The following ARHGEF17 variants were observed in gnomAD, a reference collection of about 807,000 sequenced individuals.
The protein encoded by ARHGEF17 is Rho guanine nucleotide exchange factor 17.
A neutral mutation model predicts 174.0 loss-of-function variants in ARHGEF17; 80 were observed. The observed-to-expected ratio is 0.46, with a 90% CI of 0.38 to 0.55. The LOEUF (loss-of-function observed/expected upper bound fraction) is 0.55, where lower values mean the gene tolerates loss of function less well. Ranked by LOEUF, ARHGEF17 falls within the 20% of genes least tolerant of loss-of-function variation. ARHGEF17 has a pLI of 0.00. For synonymous variants in ARHGEF17, 1,311 were observed against 1,189.1 expected, an observed-to-expected ratio of 1.10 and a Z score of -2.11; for missense variants, 2,886 against 2,839.7, an observed-to-expected ratio of 1.02 and a Z score of -0.37.
At chr11:73,329,356 TATA>T (rs1865159768) in intron 1 of ARHGEF17, among the ~76,000 whole-genome samples, 1 of 37,230 alleles carries the variant, frequency 2.7e-5, no homozygotes, top group South Asian at 1.0e-3. Flanking sequence ...TATATATATA[TATA>T]TATATATATA....
Position 73,309,478 on chromosome 11 carries a change from C to A in ARHGEF17, c.840C>A (p.Asp280Glu). 1.3e-6 allele frequency: 2 copies of A among 1,544,270 alleles called. No individual in the cohort carries two copies. The highest frequency in any genetic ancestry group is 1.2e-5 in the South Asian group (1 of 82,460). ...HGGHSSGSDDDRDGEGGHRWG... is the reference protein window; with the variant it reads ...HGGHSSGSDDERDGEGGHRWG... The stretch of plus-strand genomic sequence containing the variant: ...GCCACTCCTCGGGCAGTGACGACGA[C>A]CGAGACGGTGAGGGCGGCCACCGCT... The change falls in exon 1 of 21, where the codon GAC becomes GAA. Residue 280 changes from aspartate to glutamate, a missense_variant. Transcript: ENST00000263674.
intron 1 of ARHGEF17, among the ~76,000 whole-genome samples, chr11:73,324,252 G>A (rs542736031): frequency 7.7e-4 from 112 of 144,590 alleles, no homozygotes; most frequent in Non-Finnish European, 1.4e-3. Context: ...AGTTTGCCCC[G>A]TGACCCAATG....
chr11:73,310,529 C>T lies in ARHGEF17; in HGVS notation c.1891C>T (p.Arg631Trp), dbSNP rs1242929591. 12 of 1,613,866 alleles carry T rather than the reference C, an allele frequency of 7.4e-6. No homozygotes were observed. Among genetic ancestry groups the T allele is most frequent in the Non-Finnish European group, 1.0e-5 (12 of 1,180,036 alleles). Residue 631 changes from arginine to tryptophan, a missense_variant, in exon 1 of 21, where the codon CGG (arginine) becomes TGG (tryptophan). By Grantham distance (101) the Arg-to-Trp change is moderately radical. Around this residue, in one of 4 missense-constraint regions of ARHGEF17, gnomAD observed 1,728 missense variants for 1,461.2 expected, o/e 1.18. Transcript: ENST00000263674. ...GGCAGGGGATGTGACCCGAGGGCAG[C>T]GGTCCCAGGAGGAGCTCTCAGGCCC... The part of the protein sequence containing the change: ...DWAGDVTRGQ[R>W]SQEELSGPES...
At chr11:73,355,264 C>T (rs558609530) in intron 3 of ARHGEF17, among the ~76,000 whole-genome samples, 60 of 152,336 alleles carry the variant, frequency 3.9e-4, no homozygotes, top group South Asian at 1.5e-3. Flanking sequence ...CAGGTCTGAG[C>T]TCACAGGATA....
At chr11:73,340,201 A>C (rs977307790) in intron 1 of ARHGEF17, among the ~76,000 whole-genome samples, 1 of 151,866 alleles carries the variant, frequency 6.6e-6, no homozygotes, top group Non-Finnish European at 1.5e-5. Flanking sequence ...GCTTCCTTTC[A>C]TCTCCCCGAA....
At chr11:73,314,035 A>G (rs1325886846) in intron 1 of ARHGEF17, among the ~76,000 whole-genome samples, 1 of 152,154 alleles carries the variant, frequency 6.6e-6, no homozygotes, top group Non-Finnish European at 1.5e-5. Context: ...GAGAACATCC[A>G]TCATCCTCCA....
Position 73,309,391 on chromosome 11 carries a change from C to T in ARHGEF17, c.753C>T (p.Ser251=), listed in dbSNP as rs750280439. The T allele has an allele frequency of 2.5e-6, 4 of 1,570,218 alleles. No individual in the cohort carries two copies. The Admixed American group carries it at 7.3e-5, about 29-fold the overall frequency. The change falls in exon 1 of 21, where the codon AGC becomes AGT. Residue 251 remains serine, a synonymous_variant. Transcript: ENST00000263674. ...GCCGCAGTCGTGCTGCCAGCTCCAG[C>T]GAGGAGGAAGAGGAGGGCCCGCCGC... is the stretch of plus-strand genomic sequence containing the variant. ...PVSRSRAASS[S]EEEEEGPPQL... is the part of the protein sequence containing the mutation.
intron 1 of ARHGEF17, among the ~76,000 whole-genome samples, chr11:73,328,222 AG>A (rs1865135529): frequency 6.6e-6 from 1 of 152,140 alleles, no homozygotes; most frequent in African/African-American, 2.4e-5. Context: ...GAGCTCCCTG[AG>A]GGAGGCTTGG....
At chr11:73,319,711 G>C (rs1864985064) in intron 1 of ARHGEF17, among the ~76,000 whole-genome samples, 1 of 152,156 alleles carries the variant, frequency 6.6e-6, no homozygotes, top group Non-Finnish European at 1.5e-5. Flanking sequence ...GTCAATCATT[G>C]AGCTCCGTGT....
At chr11:73,317,493 AAGC>A (rs1182727664) in intron 1 of ARHGEF17, among the ~76,000 whole-genome samples, 3 of 152,198 alleles carry the variant, frequency 2.0e-5, no homozygotes, top group Non-Finnish European at 2.9e-5. Flanking sequence ...AGTTCCCACT[AAGC>A]AGAGTTGGCA....
In ARHGEF17 at chr11:73,311,313, C is replaced by G. The variant is rs781197480; in HGVS notation, c.2675C>G (p.Ala892Gly). ...CAGTCTGAAAGGGCCCTACCTGAGG[C>G]TCTGCCTCCCCCTGCCACTGCCCAC... ...RAQSERALPEALPPPATAHRN... is the reference protein window; with the variant it reads ...RAQSERALPEGLPPPATAHRN... The change falls in exon 1 of 21, where the codon GCT becomes GGT. Residue 892 changes from alanine to glycine, a missense_variant. By Grantham distance (60) the Ala-to-Gly change is moderately conservative (BLOSUM62 0). Around this residue, in one of 4 missense-constraint regions of ARHGEF17, gnomAD observed 1,728 missense variants for 1,461.2 expected, o/e 1.18. Transcript: ENST00000263674. The G allele has an allele frequency of 1.2e-6, 2 of 1,613,202 alleles. No individual in the cohort carries two copies. The highest frequency in any genetic ancestry group is 1.7e-5 in the Admixed American group (1 of 60,032).
chr11:73,365,749 C>T lies in ARHGEF17; in HGVS notation c.5797C>T (p.Leu1933=), dbSNP rs1191887913. ...CACAGCGCTGCTGGTGTGTGAGGAG[C>T]TGCTGTGGGTGGGCACCAGTGCTGG... ...RITALLVCEE[L]LWVGTSAGVV... The change falls in exon 20 of 21, where the codon CTG becomes TTG. Residue 1933 remains leucine, a synonymous_variant. Coordinates refer to ENST00000263674, the MANE Select transcript of ARHGEF17 (RefSeq NM_014786.4). The surrounding 1 kb of genome is among the most constrained non-coding windows in gnomAD (Gnocchi z 4.9). The T allele has an allele frequency of 2.5e-6, 4 of 1,613,594 alleles. No individual in the cohort carries two copies. In the African/African-American group the frequency reaches 4.0e-5, roughly 16 times the overall value.
chr11:73,333,717 G>A (rs114518408), intron 1 of ARHGEF17, among the ~76,000 whole-genome samples: 3 of 152,140 alleles, frequency 2.0e-5, no homozygotes, highest in Non-Finnish European at 2.9e-5. Context: ...GAGTAGGGGA[G>A]GTAGGGGCCA....
intron 1 of ARHGEF17, chr11:73,343,426 G>C (rs1240405647): frequency 2.6e-6 from 1 of 391,312 alleles, no homozygotes; most frequent in Non-Finnish European, 4.5e-6. Flanking sequence ...GAGATTGCCG[G>C]TGAGGAACCC....
At position 73,309,333 on chromosome 11, in the gene ARHGEF17, C is replaced by G. The variant is rs1027391456; in HGVS notation, c.695C>G (p.Ser232Cys). 5 of 1,606,276 alleles carry G rather than the reference C, an allele frequency of 3.1e-6. No individual in the cohort carries two copies. The South Asian group carries it at 3.3e-5, about 11-fold the overall frequency. The part of the protein sequence containing the change: ...QPQAGARASC[S>C]SSSIAASYPV... The stretch of plus-strand genomic sequence containing the variant: ...CAGGCCGGGGCCCGGGCCTCCTGCT[C>G]CTCCTCCTCCATCGCCGCCTCCTAT... Residue 232 changes from serine to cysteine, a missense_variant, in exon 1 of 21, where the codon TCC (serine) becomes TGC (cysteine). This residue lies in a region of ARHGEF17 where 1,728 missense variants were observed against 1,461.2 expected (regional missense o/e 1.18). Coordinates refer to ENST00000263674, the MANE Select transcript of ARHGEF17 (RefSeq NM_014786.4).
At chr11:73,335,575 AC>A (rs1355185174) in intron 1 of ARHGEF17, among the ~76,000 whole-genome samples, 1 of 151,878 alleles carries the variant, frequency 6.6e-6, no homozygotes, top group Non-Finnish European at 1.5e-5. Context: ...TAAAAAAAAA[AC>A]CCACCAGTTA....
intron 1 of ARHGEF17, among the ~76,000 whole-genome samples, chr11:73,312,257 G>C (rs1864851143): frequency 6.6e-6 from 1 of 152,168 alleles, no homozygotes; most frequent in African/African-American, 2.4e-5. Context: ...AGGATGTTTG[G>C]CTCAGGGGCC....
Position 73,364,190 on chromosome 11 carries a change from G to A in ARHGEF17, c.5352G>A (p.Val1784=). The change falls in exon 17 of 21, where the codon GTG becomes GTA. Residue 1784 remains valine, a synonymous_variant. Coordinates refer to ENST00000263674, the MANE Select transcript of ARHGEF17 (RefSeq NM_014786.4). ...TACCCAGGTATCTGAATAACCAGGT[G>A]TTTGTGTCTCTGGCCAATGGAGAGC... ...VTCILYLNNQ[V]FVSLANGELV... is the part of the protein sequence containing the mutation. 6.2e-7 allele frequency: 1 copy of A among 1,614,168 alleles called. No homozygotes were observed. The highest frequency in any genetic ancestry group is 2.2e-5 in the East Asian group (1 of 44,880).
chr11:73,324,119 T>C (rs947427497), intron 1 of ARHGEF17, among the ~76,000 whole-genome samples: 6 of 152,118 alleles, frequency 3.9e-5, no homozygotes. Context: ...CCCCCTCAGC[T>C]TCCCAGCCCA....
Sources: gnomAD v4.1 joint callset for allele counts (sites outside exome capture counted in the v4.1 genomes callset) on GRCh38, gnomAD v4.1.1 for gene constraint, gnomAD v4.1.1 regional missense constraint, Gnocchi (gnomAD v3.1) non-coding constraint, MANE v1.5 for transcripts, NCBI Gene and HGNC (gene_info 2026-07-23, HGNC 2026-07-21) for gene names.